SCN1A: variants seen among roughly 807,000 people sequenced by gnomAD.
The protein encoded by SCN1A is sodium channel protein type 1 subunit alpha.
SCN1A carries 13 observed loss-of-function variants against 193.7 expected under a neutral mutation model. The observed-to-expected ratio is 0.07, with a 90% confidence interval of 0.04 to 0.11. SCN1A has a LOEUF of 0.11. Ranked by LOEUF, SCN1A falls within the 10% of genes least tolerant of loss-of-function variation. The pLI is 1.00. For synonymous variants in SCN1A, 781 were observed against 843.6 expected (o/e 0.93, Z 1.29); for missense variants, 1,432 against 2,451.1 (o/e 0.58, Z 8.78).
intron 21 of SCN1A, 112 bp downstream of exon 21, chr2:166,013,632 A>T (rs1692835567): frequency 1.1e-6 from 1 of 906,824 alleles, no homozygotes. Context: ...ACAAGGTGGG[A>T]TAATTAAAAA....
intron 4 of SCN1A, among the ~76,000 whole-genome samples, chr2:166,069,951 G>T (rs1684245291): frequency 6.6e-6 from 1 of 152,086 alleles, no homozygotes; most frequent in South Asian, 2.1e-4. Flanking sequence ...TTTTAATGAA[G>T]ATCACCCAGC....
At chr2:166,089,709 G>A (rs576303362) in intron 2 of SCN1A, among the ~76,000 whole-genome samples, 1 of 152,182 alleles carries the variant, frequency 6.6e-6, no homozygotes, top group East Asian at 1.9e-4. Context: ...AGATGGAATG[G>A]GGGTAGAGAG....
intron 1 of SCN1A, among the ~76,000 whole-genome samples, chr2:166,147,470 C>T (rs1692369562): frequency 6.6e-6 from 1 of 152,022 alleles, no homozygotes; most frequent in Admixed American, 6.6e-5. Flanking sequence ...CCAAAAGAAA[C>T]AATATTAAAT....
At chr2:166,100,098 C>G (rs1367615041) in intron 2 of SCN1A, among the ~76,000 whole-genome samples, 1 of 133,450 alleles carries the variant, frequency 7.5e-6, no homozygotes, top group African/African-American at 2.7e-5. Flanking sequence ...CATCACACTA[C>G]CTGACTTCAA....
At position 166,050,613 on chromosome 2, in the gene SCN1A, G is replaced by GTATATATATATATATATATATATATATA. The variant is rs368513344; in HGVS notation, c.964+1105_964+1106insTATATATATATATATATATATATATATA. Among the ~76,000 whole-genome samples the GTATATATATATATATATATATATATATA allele has an allele frequency of 7.8e-4, 51 of 65,156 alleles. 1 individual carries two copies. The highest frequency in any genetic ancestry group is 1.4e-3 in the South Asian group (3 of 2,072). 42.7% of individuals were successfully genotyped at this position (65,156 alleles called of 152,430 possible). A position where few individuals can be genotyped will look rare whatever the true frequency, so the allele number is the denominator to read the frequency against. On this transcript the variant is annotated intron_variant, in intron 9 of 28. Coordinates refer to ENST00000674923, the MANE Select transcript of SCN1A (RefSeq NM_001165963.4). ...CACCACACCCAACTCATTAAAAAAAGTATATATATATATATATATATATAT... is the reference window on the plus strand; with the variant it reads ...CACCACACCCAACTCATTAAAAAAAGTATATATATATATATATATATATATATATATATATATATATATATATATATAT...
chr2:166,050,647 A>G (rs1834842), intron 9 of SCN1A, among the ~76,000 whole-genome samples: 51,405 of 115,240 alleles, frequency 0.45, 13,117 homozygotes, highest in East Asian at 0.52. Flanking sequence ...ATGTGTGTAT[A>G]TATTTTTTTT....
chr2:166,036,283 T>A lies in SCN1A; in HGVS notation c.3194A>T (p.His1065Leu). 6.2e-7 allele frequency: 1 copy of A among 1,613,966 alleles called. No homozygotes were observed. The highest frequency in any genetic ancestry group is 8.5e-7 in the Non-Finnish European group (1 of 1,179,904). ...AAGATCTTTCCCAATTTCTGCTGTA[T>A]GATTGGACATACAACTGTCTTTCTT... ...NNKKDSCMSNHTAEIGKDLDY... is the reference protein window; with the variant it reads ...NNKKDSCMSNLTAEIGKDLDY... The change falls in exon 19 of 29, where the codon CAT (histidine) becomes CTT (leucine). Residue 1065 changes from histidine (H) to leucine (L), a missense_variant. His to Leu is a moderately conservative substitution (Grantham distance 99). Transcript: ENST00000674923.
chr2:166,047,393 C>T (rs539007390), intron 11 of SCN1A, among the ~76,000 whole-genome samples: 1 of 152,152 alleles, frequency 6.6e-6, no homozygotes, highest in Non-Finnish European at 1.5e-5. Context: ...TTAGGACAAT[C>T]TGTGTCTGAG....
chr2:166,043,326 C>T (rs748392168), intron 14 of SCN1A, among the ~76,000 whole-genome samples: 22 of 152,198 alleles, frequency 1.4e-4, no homozygotes, highest in Non-Finnish European at 2.9e-4. Flanking sequence ...ACCCTTGACA[C>T]TTAAACATAG....
intron 2 of SCN1A, among the ~76,000 whole-genome samples, chr2:166,082,727 T>G (rs1685667518): frequency 1.3e-5 from 2 of 152,122 alleles, no homozygotes; most frequent in Admixed American, 1.3e-4. Context: ...AGCAGATGAC[T>G]TTATATAATT....
At chr2:166,118,396 A>C (rs2106232716) in intron 2 of SCN1A, among the ~76,000 whole-genome samples, 1 of 132,332 alleles carries the variant, frequency 7.6e-6, no homozygotes, top group Non-Finnish European at 1.5e-5. Context: ...GAGTATGCTC[A>C]AACTTCCTTT....
chr2:166,128,059 A>AAAT, upstream of SCN1A: 1 of 151,428 alleles, frequency 6.6e-6, no homozygotes, highest in African/African-American at 2.4e-5. Flanking sequence ...TTCAAAAAAA[A>AAAT]AAAAAAAAAG....
intron 3 of SCN1A, among the ~76,000 whole-genome samples, chr2:166,076,168 ATTC>A (rs1442878254): frequency 1.3e-5 from 2 of 151,946 alleles, no homozygotes; most frequent in African/African-American, 2.4e-5. Context: ...TGATTATCTA[ATTC>A]TTCTTTGGCT....
intron 2 of SCN1A, among the ~76,000 whole-genome samples, chr2:166,101,433 G>A (rs1271871816): frequency 1.4e-4 from 21 of 148,606 alleles, no homozygotes; most frequent in East Asian, 4.0e-4. Flanking sequence ...TGGGTGCAGC[G>A]CACCAGCATG....
In SCN1A at chr2:165,989,720, AAAGT is replaced by A. The variant is rs1688882533; in HGVS notation, c.*1521_*1524del. Reference sequence around the variant, plus strand: ...TTTCATGAAAAAGTACTATGGACAGAAAGTAAGAAAAGTGATTGTGATATCAACC... The same window carrying A: ...TTTCATGAAAAAGTACTATGGACAGAAAGAAAAGTGATTGTGATATCAACC... On this transcript the variant is annotated 3_prime_UTR_variant, in exon 29 of 29. Coordinates refer to ENST00000674923, the MANE Select transcript of SCN1A (RefSeq NM_001165963.4). 2 of 152,708 alleles carry A rather than the reference AAAGT, an allele frequency of 1.3e-5. No homozygotes were observed. The highest frequency in any genetic ancestry group is 2.1e-4 in the South Asian group (1 of 4,826). The allele number at this position is 152,708 out of a possible 1,614,324, so 9.5% of individuals were successfully genotyped here.
chr2:166,103,441 ACT>A (rs1462805506), intron 2 of SCN1A, among the ~76,000 whole-genome samples: 5 of 146,424 alleles, frequency 3.4e-5, no homozygotes, highest in Non-Finnish European at 7.5e-5. Context: ...ACAAAGCAAG[ACT>A]CTGTCTTAAA....
upstream of SCN1A, among the ~76,000 whole-genome samples, chr2:166,131,588 G>C (rs491520): frequency 0.54 from 82,007 of 152,072 alleles, 22,817 homozygotes; most frequent in East Asian, 0.65. Flanking sequence ...TTAGTTTTAC[G>C]ACATAAAGGA....
Position 165,990,117 on chromosome 2 carries a change from ACTAT to A in SCN1A, c.*1124_*1127del, listed in dbSNP as rs1688937706. 2.0e-5 allele frequency: 3 copies of A among 152,582 alleles called. No homozygotes were observed. The highest frequency in any genetic ancestry group is 7.2e-5 in the African/African-American group (3 of 41,436). The allele number at this position is 152,582 out of a possible 1,614,324, so 9.5% of individuals were successfully genotyped here. A position where few individuals can be genotyped will look rare whatever the true frequency, so the allele number is the denominator to read the frequency against. On this transcript the variant is annotated 3_prime_UTR_variant, in exon 29 of 29. Transcript: ENST00000674923. ...ATAAACATGCATTGATAGCATCCAAACTATCTATAAATGGTACAGAATACATTTT... is the reference window on the plus strand; with the variant it reads ...ATAAACATGCATTGATAGCATCCAAACTATAAATGGTACAGAATACATTTT...
upstream of SCN1A, among the ~76,000 whole-genome samples, chr2:166,130,722 A>C (rs1177423518): frequency 6.6e-6 from 1 of 152,206 alleles, no homozygotes; most frequent in Non-Finnish European, 1.5e-5. Flanking sequence ...CCAATATCCC[A>C]AGCATGGCCC....
Sources: gnomAD v4.1 joint callset for allele counts (sites outside exome capture counted in the v4.1 genomes callset) on GRCh38, gnomAD v4.1.1 for gene constraint, MANE v1.5 for transcripts, NCBI Gene and HGNC (gene_info 2026-07-23, HGNC 2026-07-21) for gene names.